NKD1: variants seen among roughly 807,000 people sequenced by gnomAD.
The protein encoded by NKD1 is protein naked cuticle homolog 1.
NKD1 carries 21 observed loss-of-function variants against 56.0 expected under a neutral mutation model. The observed-to-expected ratio is 0.38, with a 90% CI of 0.27 to 0.54. NKD1 has a LOEUF of 0.54. Ranked by LOEUF, NKD1 falls within the 20% of genes least tolerant of loss-of-function variation. The pLI is 0.82. For synonymous variants in NKD1, 263 were observed against 265.7 expected (o/e 0.99, Z 0.10); for missense variants, 578 against 642.7 (o/e 0.90, Z 1.09).
At position 50,633,454 on chromosome 16, in the gene NKD1, C is replaced by T; in HGVS notation, c.1086C>T (p.Ala362=). 6.2e-7 allele frequency: 1 copy of T among 1,609,582 alleles called. No individual in the cohort carries two copies. The highest frequency in any genetic ancestry group is 8.5e-7 in the Non-Finnish European group (1 of 1,177,482). ...QGKSVGVGHV[A]RGARNKPPLG... The stretch of plus-strand genomic sequence containing the variant: ...AGAGTGTGGGTGTGGGCCACGTGGC[C>T]AGAGGGGCAAGAAACAAGCCCCCTC... Residue 362 remains alanine (A), a synonymous_variant, in exon 10 of 10, where the codon GCC becomes GCT. Coordinates refer to ENST00000268459, the MANE Select transcript of NKD1 (RefSeq NM_033119.5). The surrounding 1 kb of genome is among the most constrained non-coding windows in gnomAD (Gnocchi z 4.9).
At position 50,632,253 on chromosome 16, in the gene NKD1, T is replaced by C. The variant is rs1962361945; in HGVS notation, c.696-28T>C. ...TGCCCCCACCTGGTGGTTGGTGTTA[T>C]CCCACTCACTTGCCTCCCCTGCCGT... On this transcript the variant is annotated intron_variant, in intron 8 of 9. Transcript: ENST00000268459. This position sits in a 1 kb window ranked among gnomAD's most constrained non-coding sequence, Gnocchi z 4.1. 2.5e-6 allele frequency: 4 copies of C among 1,613,336 alleles called. No homozygotes were observed. Among genetic ancestry groups the C allele is most frequent in the Non-Finnish European group, 3.4e-6 (4 of 1,179,478 alleles).
intron 3 of NKD1, among the ~76,000 whole-genome samples, chr16:50,601,518 G>C (rs527437639): frequency 7.4e-4 from 113 of 152,352 alleles, no homozygotes; most frequent in African/African-American, 2.6e-3. Flanking sequence ...TCTGGAGAAG[G>C]CTGGGCCTGA....
chr16:50,627,743 G>A (rs1350441804), intron 6 of NKD1, among the ~76,000 whole-genome samples: 3 of 152,182 alleles, frequency 2.0e-5, no homozygotes, highest in Non-Finnish European at 4.4e-5. Context: ...CGATTCCTAC[G>A]TGTCTGCCCT....
intron 3 of NKD1, among the ~76,000 whole-genome samples, chr16:50,589,664 T>C (rs1283129788): frequency 6.6e-6 from 1 of 152,130 alleles, no homozygotes; most frequent in Non-Finnish European, 1.5e-5. Flanking sequence ...TGGATCATGT[T>C]GGAGGCCTTT....
In NKD1 at chr16:50,630,316, T is replaced by C; in HGVS notation, c.593T>C (p.Val198Ala). 6.2e-7 allele frequency: 1 copy of C among 1,614,112 alleles called. No individual in the cohort carries two copies. The highest frequency in any genetic ancestry group is 2.2e-5 in the East Asian group (1 of 44,890). The change falls in exon 7 of 10, where the codon GTC (valine) becomes GCC (alanine). Residue 198 changes from valine to alanine, a missense_variant. Coordinates refer to ENST00000268459, the MANE Select transcript of NKD1 (RefSeq NM_033119.5). The part of the protein sequence containing the change: ...APDGSQSKRS[V>A]LVNQADLQSA... ...GATGGCAGCCAGAGCAAGAGGAGCG[T>C]CCTTGTCAATCAGGCTGGTGAGGGC... is the stretch of plus-strand genomic sequence containing the variant.
chr16:50,629,098 TG>T (rs1962286993), intron 6 of NKD1, among the ~76,000 whole-genome samples: 1 of 152,122 alleles, frequency 6.6e-6, no homozygotes, highest in Non-Finnish European at 1.5e-5. Context: ...TCCAAGTAGC[TG>T]GGACTACAGG....
chr16:50,616,953 C>T (rs577616346), intron 4 of NKD1, among the ~76,000 whole-genome samples: 16 of 152,164 alleles, frequency 1.1e-4, no homozygotes, highest in Non-Finnish European at 1.9e-4. Context: ...CTCAAGTGAC[C>T]CCAGACCAAG....
intron 6 of NKD1, among the ~76,000 whole-genome samples, chr16:50,627,170 G>T (rs539309939): frequency 1.3e-5 from 2 of 152,282 alleles, no homozygotes; most frequent in East Asian, 3.9e-4. Context: ...AAATAGATTG[G>T]CTCATGTAAC....
Position 50,633,603 on chromosome 16 carries a change from G to A in NKD1, c.1235G>A (p.Gly412Asp), listed in dbSNP as rs1455139584. 2 of 1,610,874 alleles carry A rather than the reference G, an allele frequency of 1.2e-6. No individual in the cohort carries two copies. Among genetic ancestry groups the A allele is most frequent in the Non-Finnish European group, 1.7e-6 (2 of 1,179,286 alleles). ...HKHRAKESQQ[G>D]CRGLQAPLAS... is the part of the protein sequence containing the mutation. Reference sequence around the variant, plus strand: ...CACCGAGCCAAGGAGAGCCAGCAGGGCTGCCGGGGCCTGCAGGCACCACTG... The same window carrying A: ...CACCGAGCCAAGGAGAGCCAGCAGGACTGCCGGGGCCTGCAGGCACCACTG... Residue 412 changes from glycine to aspartate, a missense_variant, in exon 10 of 10, where the codon GGC (glycine) becomes GAC (aspartate). Transcript: ENST00000268459. The surrounding 1 kb of genome is among the most constrained non-coding windows in gnomAD (Gnocchi z 4.9).
In NKD1 at chr16:50,630,330, G is replaced by T; in HGVS notation, c.607G>T (p.Ala203Ser). 1 of 1,614,044 alleles carries T rather than the reference G, an allele frequency of 6.2e-7. No individual in the cohort carries two copies. ...CAAGAGGAGCGTCCTTGTCAATCAG[G>T]CTGGTGAGGGCTGCAGGGCTGAGCC... ...QSKRSVLVNQADLQSARPRAE... is the reference protein window; with the variant it reads ...QSKRSVLVNQSDLQSARPRAE... Residue 203 changes from alanine to serine, a missense_variant, in exon 7 of 10, where the codon GCT becomes TCT. Transcript: ENST00000268459.
intron 4 of NKD1, among the ~76,000 whole-genome samples, chr16:50,617,329 CTG>C (rs1961986031): frequency 2.6e-5 from 4 of 151,676 alleles, no homozygotes; most frequent in Non-Finnish European, 5.9e-5. Context: ...AGGGAAGAGA[CTG>C]TCTTTGATCT....
intron 3 of NKD1, among the ~76,000 whole-genome samples, chr16:50,569,975 T>C (rs1596711762): frequency 6.6e-6 from 1 of 152,156 alleles, no homozygotes; most frequent in Admixed American, 6.5e-5. Flanking sequence ...GCAGCCTCTG[T>C]CGTGATGCAG....
chr16:50,623,862 G>T lies in NKD1; in HGVS notation c.367-1623G>T, dbSNP rs967793300. ...TGTGTAGGGGTATGCGTGTGTGTGT[G>T]TGTGTAGGGGTATGTATGTAGGCAC... is the stretch of plus-strand genomic sequence containing the variant. On this transcript the variant is annotated intron_variant, in intron 5 of 9. Coordinates refer to ENST00000268459, the MANE Select transcript of NKD1 (RefSeq NM_033119.5). This position sits in a 1 kb window ranked among gnomAD's most constrained non-coding sequence, Gnocchi z 4.1. Among the ~76,000 whole-genome samples, 1 of 152,004 alleles carries T rather than the reference G, an allele frequency of 6.6e-6. No homozygotes were observed. Among genetic ancestry groups the T allele is most frequent in the Non-Finnish European group, 1.5e-5 (1 of 67,986 alleles).
At chr16:50,600,826 C>T (rs567896918) in intron 3 of NKD1, among the ~76,000 whole-genome samples, 2 of 152,236 alleles carry the variant, frequency 1.3e-5, no homozygotes, top group African/African-American at 4.8e-5. Flanking sequence ...GGTCTGAAGT[C>T]CTTCCTGCCA....
Position 50,574,521 on chromosome 16 carries a change from C to T in NKD1, c.192+24966C>T, listed in dbSNP as rs148271498. 8.1e-6 allele frequency: 8 copies of T among 985,424 alleles called. No homozygotes were observed. The East Asian group carries it at 9.1e-4, about 112-fold the overall frequency. 61.0% of individuals were successfully genotyped at this position (985,424 alleles called of 1,614,324 possible). On this transcript the variant is annotated intron_variant, in intron 3 of 9. Coordinates refer to ENST00000268459, the MANE Select transcript of NKD1 (RefSeq NM_033119.5). Reference sequence around the variant, plus strand: ...CTCCTCCTGCTGCTGGTGGCCGAGGCCCAGGCACGGCCGAATGGCAGTGCA... The same window carrying T: ...CTCCTCCTGCTGCTGGTGGCCGAGGTCCAGGCACGGCCGAATGGCAGTGCA...
intron 3 of NKD1, chr16:50,608,045 C>T: frequency 2.0e-6 from 1 of 505,060 alleles, no homozygotes; most frequent in Non-Finnish European, 3.6e-6. Flanking sequence ...ATGTGGGAGG[C>T]ATGATGGAAG....
At chr16:50,568,649 G>C (rs533766621) in intron 3 of NKD1, among the ~76,000 whole-genome samples, 16 of 152,084 alleles carry the variant, frequency 1.1e-4, no homozygotes, top group Non-Finnish European at 1.9e-4. Flanking sequence ...GTGGGCCGGC[G>C]CACTGGGAGG....
intron 4 of NKD1, among the ~76,000 whole-genome samples, chr16:50,610,775 C>A (rs552989881): frequency 6.6e-6 from 1 of 152,324 alleles, no homozygotes; most frequent in South Asian, 2.1e-4. Flanking sequence ...ATCTTAACCG[C>A]CTTAACTGGC....
In NKD1 at chr16:50,645,252, C is replaced by G. The variant is rs965687395; in HGVS notation, c.*11471C>G. On this transcript the variant is annotated 3_prime_UTR_variant, in exon 10 of 10. Coordinates refer to ENST00000268459, the MANE Select transcript of NKD1 (RefSeq NM_033119.5). Reference sequence around the variant, plus strand: ...TTCCACCCAGAAACGACATTTTTATCCACTGCGATAACTTCTGGGGAGACA... The same window carrying G: ...TTCCACCCAGAAACGACATTTTTATGCACTGCGATAACTTCTGGGGAGACA... 7 of 152,308 alleles carry G rather than the reference C, an allele frequency of 4.6e-5. No individual in the cohort carries two copies. The highest frequency in any genetic ancestry group is 1.7e-4 in the African/African-American group (7 of 41,518). The allele number at this position is 152,308 out of a possible 1,614,324, so 9.4% of individuals were successfully genotyped here.
Sources: allele counts gnomAD v4.1 joint callset (sites outside exome capture counted in the v4.1 genomes callset), GRCh38; gene constraint gnomAD v4.1.1; non-coding constraint Gnocchi (gnomAD v3.1); transcripts MANE v1.5; gene names NCBI Gene and HGNC (gene_info 2026-07-23, HGNC 2026-07-21).